METTL16: variants seen among roughly 807,000 people sequenced by gnomAD.
METTL16 encodes methyltransferase 16, RNA N6-adenosine, also known as RNA N(6)-adenosine-methyltransferase METTL16.
In METTL16, 19 loss-of-function variants were observed where a neutral mutation model predicts 57.9. The observed-to-expected ratio is 0.33, with a 90% CI of 0.23 to 0.48. The LOEUF (loss-of-function observed/expected upper bound fraction) is 0.48, where lower values mean the gene tolerates loss of function less well. Ranked by LOEUF, METTL16 falls within the 20% of genes least tolerant of loss-of-function variation. The probability of loss-of-function intolerance (pLI) is 0.99; values close to 1 mark genes in which losing one functional copy is unlikely to be tolerated. For synonymous variants in METTL16, 246 were observed against 255.6 expected (o/e 0.96, Z 0.36); for missense variants, 434 against 691.5 (o/e 0.63, Z 4.18).
chr17:2,492,923 A>C (rs2067411739), intron 2 of METTL16, among the ~76,000 whole-genome samples: 3 of 145,880 alleles, frequency 2.1e-5, no homozygotes, highest in East Asian at 2.0e-4. Context: ...AAAACAACAA[A>C]AAAAACACAG....
chr17:2,509,605 G>A (rs1314319273), intron 1 of METTL16, among the ~76,000 whole-genome samples: 1 of 152,144 alleles, frequency 6.6e-6, no homozygotes, highest in African/African-American at 2.4e-5. Context: ...AAATTAAAGT[G>A]TTGGCCGGGC....
At position 2,495,415 on chromosome 17, in the gene METTL16, G is replaced by A. The variant is rs61054193; in HGVS notation, c.128+6789C>T. 1.6e-4 allele frequency among the ~76,000 whole-genome samples: 24 copies of A among 152,200 alleles called. No individual in the cohort carries two copies. In the East Asian group the frequency reaches 4.3e-3, roughly 27 times the overall value. ...AATCGAATATGAAAAAGATGATTTC[G>A]GCTGGGTGCGGTGGCTCACGCCTGT... On this transcript the variant is annotated intron_variant, in intron 2 of 9. Transcript: ENST00000263092.
At chr17:2,506,708 C>T (rs1011182969) in intron 1 of METTL16, among the ~76,000 whole-genome samples, 1 of 152,152 alleles carries the variant, frequency 6.6e-6, no homozygotes, top group African/African-American at 2.4e-5. Context: ...CAGCCGCCAC[C>T]CCGTCTGGGA....
chr17:2,476,262 T>C lies in METTL16; in HGVS notation c.328+1424A>G, dbSNP rs1029006185. Among the ~76,000 whole-genome samples the C allele has an allele frequency of 5.1e-4, 77 of 152,128 alleles. 1 individual carries two copies. The highest frequency in any genetic ancestry group is 1.8e-3 in the African/African-American group (73 of 41,416). On this transcript the variant is annotated intron_variant, in intron 3 of 9. Transcript: ENST00000263092. ...ATCCAAGTTTCTCATATATATGAGATTGGAGGTCAAGGAAAGTAATCTGAG... is the reference window on the plus strand; with the variant it reads ...ATCCAAGTTTCTCATATATATGAGACTGGAGGTCAAGGAAAGTAATCTGAG...
In METTL16 at chr17:2,420,143, G is replaced by A. The variant is rs200577099; in HGVS notation, c.1516C>T (p.Arg506Cys). Reference sequence around the variant, plus strand: ...TACTGTCCGGCCACTCCTGGGAGACGTTTCCCCCTTTCAGCCACTGGGCTG... The same window carrying A: ...TACTGTCCGGCCACTCCTGGGAGACATTTCCCCCTTTCAGCCACTGGGCTG... ...FGSPVAERGK[R>C]LPGVAGQYLF... The change falls in exon 10 of 10, where the codon CGT becomes TGT. Residue 506 changes from arginine to cysteine, a missense_variant. Physicochemically the swap from Arg to Cys is radical, Grantham distance 180. This residue lies in a region of METTL16 where 168 missense variants were observed against 149.6 expected (regional missense o/e 1.12). Coordinates refer to ENST00000263092, the MANE Select transcript of METTL16 (RefSeq NM_024086.4). This position sits in a 1 kb window ranked among gnomAD's most constrained non-coding sequence, Gnocchi z 5.4. 4.6e-5 allele frequency: 75 copies of A among 1,614,110 alleles called. No individual in the cohort carries two copies. In the Middle Eastern group the frequency reaches 4.9e-4, roughly 11 times the overall value.
chr17:2,428,890 C>T (rs1178976540), intron 8 of METTL16, among the ~76,000 whole-genome samples: 1 of 152,070 alleles, frequency 6.6e-6, no homozygotes, highest in African/African-American at 2.4e-5. Context: ...CGGAGTTTTG[C>T]TCTTGTTGCC....
intron 2 of METTL16, among the ~76,000 whole-genome samples, chr17:2,478,458 T>A (rs547277897): frequency 6.6e-6 from 1 of 152,290 alleles, no homozygotes; most frequent in South Asian, 2.1e-4. Flanking sequence ...ATTACAGACA[T>A]CAAATTTTAA....
intron 2 of METTL16, among the ~76,000 whole-genome samples, chr17:2,479,153 T>G (rs1367256426): frequency 6.6e-6 from 1 of 151,718 alleles, no homozygotes; most frequent in Admixed American, 6.6e-5. Flanking sequence ...TCTTTTTTGG[T>G]TTTTGTGGGT....
At chr17:2,460,086 G>A (rs2067139159) in intron 6 of METTL16, 1 of 152,154 alleles carries the variant, frequency 6.6e-6, no homozygotes, top group African/African-American at 2.4e-5. Context: ...CATCATGGTA[G>A]GATGTGAGTG....
At chr17:2,503,174 G>C (rs753483147) in intron 1 of METTL16, among the ~76,000 whole-genome samples, 1 of 152,180 alleles carries the variant, frequency 6.6e-6, no homozygotes, top group Non-Finnish European at 1.5e-5. Context: ...TCATTCCCAA[G>C]AGTGAAAAGG....
intron 5 of METTL16, 42 bp downstream of exon 5, chr17:2,467,719 C>T (rs953332400): frequency 1.3e-6 from 2 of 1,515,550 alleles, no homozygotes; most frequent in Non-Finnish European, 9.2e-7. Context: ...AGCCACCGCG[C>T]CCAGCCTATA....
In METTL16 at chr17:2,429,092, A is replaced by T. The variant is rs538712454; in HGVS notation, c.889-8188T>A. 5.9e-4 allele frequency among the ~76,000 whole-genome samples: 89 copies of T among 152,136 alleles called. 2 individuals are homozygous for T. The South Asian group carries it at 0.018, about 31-fold the overall frequency. On this transcript the variant is annotated intron_variant, in intron 8 of 9. Coordinates refer to ENST00000263092, the MANE Select transcript of METTL16 (RefSeq NM_024086.4). ...GGGCTGGTCTCGAACTCCCGACCTC[A>T]GGTGATCCACCCGCTTCGGCCTCCC...
intron 1 of METTL16, among the ~76,000 whole-genome samples, chr17:2,503,932 G>A (rs577161636): frequency 4.6e-5 from 7 of 152,046 alleles, no homozygotes; most frequent in African/African-American, 1.4e-4. Flanking sequence ...AACAAAATAC[G>A]ATATACCCAT....
In METTL16 at chr17:2,467,770, C is replaced by G. The variant is rs1461438324; in HGVS notation, c.576G>C (p.Leu192Phe). The part of the protein sequence containing the change: ...MCNPPFFANQ[L>F]EAKGVNSRNP... ...GCAGAAGACATTTTACCTTGGCTTC[C>G]AATTGATTGGCAAAAAAGGGAGGGT... Residue 192 changes from leucine to phenylalanine, a missense_variant, in exon 5 of 10, where the codon TTG (leucine) becomes TTC (phenylalanine). By Grantham distance (22) the Leu-to-Phe change is conservative. This residue lies in a region of METTL16 where 118 missense variants were observed against 280.0 expected (regional missense o/e 0.42). Coordinates refer to ENST00000263092, the MANE Select transcript of METTL16 (RefSeq NM_024086.4). 1 of 1,613,032 alleles carries G rather than the reference C, an allele frequency of 6.2e-7. No homozygotes were observed. Among genetic ancestry groups the G allele is most frequent in the Middle Eastern group, 1.7e-4 (1 of 6,060 alleles).
chr17:2,450,144 A>C (rs1207986814), intron 6 of METTL16, among the ~76,000 whole-genome samples: 1 of 152,242 alleles, frequency 6.6e-6, no homozygotes, highest in African/African-American at 2.4e-5. Flanking sequence ...AGATGGAGGA[A>C]AATTTAATTA....
At chr17:2,466,789 A>AT (rs966448223) in intron 5 of METTL16, among the ~76,000 whole-genome samples, 28 of 150,578 alleles carry the variant, frequency 1.9e-4, no homozygotes, top group South Asian at 8.4e-4. Flanking sequence ...TTACATTGTT[A>AT]TTTTTTTTTG....
rs145645830 is a variant in METTL16 at position 2,464,095 on chromosome 17, C to T, written c.728+113G>A. On this transcript the variant is annotated intron_variant, in intron 6 of 9. Coordinates refer to ENST00000263092, the MANE Select transcript of METTL16 (RefSeq NM_024086.4). The stretch of plus-strand genomic sequence containing the variant: ...CTGAGATCACGCCACTGCACTCCAG[C>T]CTGGCAACAAGAGCAAGACTCTGTC... The T allele has an allele frequency of 2.6e-5, 30 of 1,150,918 alleles. No homozygotes were observed. The East Asian group carries it at 7.4e-4, about 28-fold the overall frequency. The allele number at this position is 1,150,918 out of a possible 1,614,324, so 71.3% of individuals were successfully genotyped here. A position where few individuals can be genotyped will look rare whatever the true frequency, so the allele number is the denominator to read the frequency against.
At chr17:2,446,632 T>G (rs2066997969) in intron 6 of METTL16, among the ~76,000 whole-genome samples, 1 of 129,952 alleles carries the variant, frequency 7.7e-6, no homozygotes, top group Non-Finnish European at 1.5e-5. Context: ...CTCCACGGTC[T>G]CCTTCCACGG....
chr17:2,490,204 T>C (rs1170044371), intron 2 of METTL16, among the ~76,000 whole-genome samples: 1 of 152,216 alleles, frequency 6.6e-6, no homozygotes, highest in African/African-American at 2.4e-5. Context: ...CTCACATTTC[T>C]GTATTATCTA....
Sources: gnomAD v4.1 joint callset for allele counts (sites outside exome capture counted in the v4.1 genomes callset) on GRCh38, gnomAD v4.1.1 for gene constraint, gnomAD v4.1.1 regional missense constraint, Gnocchi (gnomAD v3.1) non-coding constraint, MANE v1.5 for transcripts, NCBI Gene and HGNC (gene_info 2026-07-23, HGNC 2026-07-21) for gene names.